Variants in GRIP1 observed in about 807,000 individuals in gnomAD.
The protein encoded by GRIP1 is glutamate receptor-interacting protein 1.
GRIP1 carries 45 observed loss-of-function variants against 129.9 expected under a neutral mutation model. The observed-to-expected ratio is 0.35, with a 90% CI of 0.27 to 0.44. The LOEUF is 0.44. GRIP1 is among the 20% of genes least tolerant of loss of function. GRIP1 has a pLI of 1.00. For synonymous variants in GRIP1, 530 were observed against 520.8 expected (o/e 1.02, Z -0.24); for missense variants, 1,196 against 1,396.8 (o/e 0.86, Z 2.29).
chr12:66,904,832 C>T (rs1331548073), intron 1 of GRIP1, among the ~76,000 whole-genome samples: 3 of 150,896 alleles, frequency 2.0e-5, no homozygotes, highest in East Asian at 2.0e-4. Context: ...GCAGAGGTTG[C>T]AGTGAGCCAA....
chr12:66,946,766 C>T (rs1243363380), intron 1 of GRIP1, among the ~76,000 whole-genome samples: 8 of 5,292 alleles, frequency 1.5e-3, no homozygotes, highest in Non-Finnish European at 2.7e-3. Context: ...CAGCGGGGGT[C>T]GGGGGGTGGG....
At chr12:66,362,142 CTTTTTTTT>C (rs10589880) in intron 23 of GRIP1, among the ~76,000 whole-genome samples, 8 of 91,682 alleles carry the variant, frequency 8.7e-5, no homozygotes, top group Admixed American at 4.7e-4. Context: ...CCAATTTAAT[CTTTTTTTT>C]TTTTTTTTTT....
At chr12:66,408,182 A>G (rs1422492156) in intron 15 of GRIP1, among the ~76,000 whole-genome samples, 1 of 152,138 alleles carries the variant, frequency 6.6e-6, no homozygotes, top group Non-Finnish European at 1.5e-5. Context: ...TCGGGCCCTG[A>G]ATAATCAGCA....
intron 7 of GRIP1, among the ~76,000 whole-genome samples, chr12:66,507,288 A>G (rs1484163761): frequency 3.3e-5 from 5 of 152,102 alleles, no homozygotes; most frequent in African/African-American, 1.2e-4. Context: ...AATACAAAAA[A>G]TTAGCCGGGC....
intron 2 of GRIP1, among the ~76,000 whole-genome samples, chr12:66,546,773 C>T (rs2061959741): frequency 6.6e-6 from 1 of 151,712 alleles, no homozygotes; most frequent in African/African-American, 2.4e-5. Context: ...AAATGTAAAC[C>T]ATAATATTAT....
At chr12:66,678,778 A>C in intron 1 of GRIP1, 72 bp downstream of exon 1, 1 of 1,420,932 alleles carries the variant, frequency 7.0e-7, no homozygotes, top group Middle Eastern at 1.8e-4. Context: ...ATTTGAAAGT[A>C]AAAACCATTA....
At chr12:66,547,274 C>T (rs553786112) in intron 2 of GRIP1, among the ~76,000 whole-genome samples, 9 of 115,992 alleles carry the variant, frequency 7.8e-5, no homozygotes, top group Admixed American at 1.8e-4. Flanking sequence ...AGTGACAACA[C>T]CAAATGCTGG....
At chr12:67,060,100 G>A (rs558163927) in intron 1 of GRIP1, among the ~76,000 whole-genome samples, 153 of 152,300 alleles carry the variant, frequency 1.0e-3, no homozygotes, top group African/African-American at 3.3e-3. Flanking sequence ...AGATCTGCAT[G>A]TAACCTAATA....
chr12:66,666,899 AT>A (rs1461821546), intron 1 of GRIP1, among the ~76,000 whole-genome samples: 1 of 148,822 alleles, frequency 6.7e-6, no homozygotes, highest in East Asian at 2.0e-4. Flanking sequence ...TTGATTTGGT[AT>A]TGATAAAAAT....
intron 2 of GRIP1, chr12:66,563,797 T>A (rs951590033): frequency 6.6e-6 from 1 of 152,184 alleles, no homozygotes; most frequent in Non-Finnish European, 1.5e-5. Context: ...ATACAATTGA[T>A]TTTTAATTGT....
At chr12:66,425,757 G>T (rs1192015148) in intron 14 of GRIP1, among the ~76,000 whole-genome samples, 1 of 151,874 alleles carries the variant, frequency 6.6e-6, no homozygotes. Flanking sequence ...TCACTCATAG[G>T]TGGGAACCGA....
chr12:66,542,817 T>C (rs1389328), intron 2 of GRIP1, among the ~76,000 whole-genome samples: 54,595 of 152,094 alleles, frequency 0.36, 10,006 homozygotes, highest in African/African-American at 0.41. Flanking sequence ...GCAAATATAT[T>C]TTCTTGGTAG....
chr12:66,366,961 G>C (rs982034934), intron 23 of GRIP1, among the ~76,000 whole-genome samples: 7 of 152,164 alleles, frequency 4.6e-5, no homozygotes, highest in Non-Finnish European at 7.3e-5. Context: ...TGGGATTATA[G>C]GTGTGAGCCA....
At position 66,991,955 on chromosome 12, in the gene GRIP1, A is replaced by T. The variant is rs558558908; in HGVS notation, c.58+77095T>A. Among the ~76,000 whole-genome samples, 10 of 152,338 alleles carry T rather than the reference A, an allele frequency of 6.6e-5. No individual in the cohort carries two copies. The South Asian group carries it at 2.1e-3, about 32-fold the overall frequency. Reference sequence around the variant, plus strand: ...AGAAAATGCTTTCACAGAACAGGACACATTGAAACACCACTCAAAATATGA... The same window carrying T: ...AGAAAATGCTTTCACAGAACAGGACTCATTGAAACACCACTCAAAATATGA... On this transcript the variant is annotated intron_variant, in intron 1 of 1. Coordinates refer to the GRIP1 transcript ENST00000643019.
chr12:66,780,089 T>C (rs1014248240), intron 1 of GRIP1, among the ~76,000 whole-genome samples: 3 of 152,074 alleles, frequency 2.0e-5, no homozygotes, highest in Non-Finnish European at 4.4e-5. Flanking sequence ...TTTGAGGTTT[T>C]CCCAAGTCCC....
At chr12:66,732,415 T>C (rs1200404942) in intron 1 of GRIP1, among the ~76,000 whole-genome samples, 3 of 152,098 alleles carry the variant, frequency 2.0e-5, no homozygotes, top group East Asian at 1.9e-4. Flanking sequence ...TGGCTAAGCA[T>C]GTTGGTGCAC....
chr12:66,725,230 G>C (rs1451913878), intron 1 of GRIP1, among the ~76,000 whole-genome samples: 1 of 152,032 alleles, frequency 6.6e-6, no homozygotes, highest in Non-Finnish European at 1.5e-5. Flanking sequence ...TGGGCCCAGG[G>C]AGGTCAAGGT....
intron 1 of GRIP1, among the ~76,000 whole-genome samples, chr12:66,879,519 C>T (rs2040438290): frequency 6.6e-6 from 1 of 152,070 alleles, no homozygotes. Context: ...ACCAAGGCAG[C>T]AAGACTCCAA....
chr12:66,352,449 G>C (rs912702841), intron 24 of GRIP1, among the ~76,000 whole-genome samples: 5 of 152,100 alleles, frequency 3.3e-5, no homozygotes, highest in Admixed American at 6.6e-5. Flanking sequence ...AGTATACGAA[G>C]AGGTTGCGCA....
Sources: gnomAD v4.1 joint callset for allele counts (sites outside exome capture counted in the v4.1 genomes callset) on GRCh38, gnomAD v4.1.1 for gene constraint, MANE v1.5 for transcripts, NCBI Gene and HGNC (gene_info 2026-07-23, HGNC 2026-07-21) for gene names.